UNC5CL: variants seen among roughly 807,000 people sequenced by gnomAD.
UNC5CL encodes unc-5 family C-terminal like.
UNC5CL carries 42 observed loss-of-function variants against 54.1 expected under a neutral mutation model. The ratio of observed to expected loss-of-function variants is 0.78; its 90% CI spans 0.61 to 1.00. The LOEUF is 1.00. Among genes scored for constraint, UNC5CL ranks in the 50% least tolerant of loss-of-function variants. The probability of loss-of-function intolerance (pLI) is 0.00; values close to 1 mark genes in which losing one functional copy is unlikely to be tolerated. For synonymous variants in UNC5CL, 285 were observed against 285.1 expected, an observed-to-expected ratio of 1.00 and a Z score of 0.00; for missense variants, 619 against 675.6, an observed-to-expected ratio of 0.92 and a Z score of 0.93.
At chr6:41,036,476 A>T (rs577496399) in intron 1 of UNC5CL, among the ~76,000 whole-genome samples, 2 of 152,334 alleles carry the variant, frequency 1.3e-5, no homozygotes, top group Admixed American at 6.5e-5. Flanking sequence ...TATTTTTTTA[A>T]ATCCTTTTCT....
Position 41,030,407 on chromosome 6 carries a change from G to T in UNC5CL, c.1315C>A (p.Leu439Ile). 1 of 1,614,020 alleles carries T rather than the reference G, an allele frequency of 6.2e-7. No homozygotes were observed. The highest frequency in any genetic ancestry group is 2.2e-5 in the East Asian group (1 of 44,874). Residue 439 changes from leucine to isoleucine, a missense_variant, in exon 8 of 9, where the codon CTT becomes ATT. By Grantham distance (5) the Leu-to-Ile change is conservative. Transcript: ENST00000244565. ...TCCTACCGGATCTTCATGCCGCAAA[G>T]CCCCAGGTGGGAGGCCAGTCTGCGC... ...DWRRLASHLG[L>I]CGMKIRFLSC...
intron 2 of UNC5CL, 26 bp downstream of exon 2, chr6:41,034,664 C>T (rs189148740): frequency 5.8e-5 from 93 of 1,593,050 alleles, no homozygotes; most frequent in Middle Eastern, 1.7e-4. Context: ...CAACTGTATG[C>T]GGAGATGAGA....
chr6:41,034,649 C>A (rs1169041473), intron 2 of UNC5CL, 41 bp downstream of exon 2: 1 of 1,581,590 alleles, frequency 6.3e-7, no homozygotes, highest in Non-Finnish European at 8.6e-7. Context: ...AATGTACAGT[C>A]TGACCAACTG....
intron 6 of UNC5CL, 43 bp downstream of exon 6, chr6:41,031,638 C>T: frequency 1.3e-6 from 2 of 1,598,728 alleles, no homozygotes; most frequent in Non-Finnish European, 1.7e-6. Context: ...CCTAGGATTT[C>T]CCCCAGGCCC....
intron 1 of UNC5CL, among the ~76,000 whole-genome samples, chr6:41,038,392 G>A (rs1762546326): frequency 6.6e-6 from 1 of 151,982 alleles, no homozygotes; most frequent in South Asian, 2.1e-4. Context: ...GATCCCCAGT[G>A]AGGTGCACCT....
chr6:41,035,186 A>C (rs1762510045), intron 1 of UNC5CL, 51 bp from the exon 2 acceptor site: 2 of 1,398,044 alleles, frequency 1.4e-6, no homozygotes, highest in Admixed American at 5.1e-5. Flanking sequence ...TAAGTTGTGG[A>C]GGTCAAGGCT....
intron 5 of UNC5CL, 111 bp downstream of exon 5, chr6:41,031,925 T>A: frequency 7.9e-7 from 1 of 1,262,800 alleles, no homozygotes; most frequent in South Asian, 1.3e-5. Context: ...GGAAGGTCTG[T>A]GTGCATGGCT....
chr6:41,032,422 A>G (rs936339456), intron 4 of UNC5CL, among the ~76,000 whole-genome samples: 1 of 152,226 alleles, frequency 6.6e-6, no homozygotes, highest in East Asian at 1.9e-4. Context: ...GAGTGGTCAA[A>G]GCCCTGGGGG....
At position 41,033,054 on chromosome 6, in the gene UNC5CL, T is replaced by C. The variant is rs1253430552; in HGVS notation, c.779A>G (p.Gln260Arg). 3.1e-6 allele frequency: 5 copies of C among 1,612,738 alleles called. No individual in the cohort carries two copies. The highest frequency in any genetic ancestry group is 4.2e-6 in the Non-Finnish European group (5 of 1,179,426). ...AVFCSPLVPGQSHLQLRIYFL... is the reference protein window; with the variant it reads ...AVFCSPLVPGRSHLQLRIYFL... ...GTAGATACGCAGTTGCAGATGGGAC[T>C]GTCCTGGCACCAGCGGTGAGCAGAA... Residue 260 changes from glutamine to arginine, a missense_variant, in exon 4 of 9, where the codon CAG becomes CGG. Physicochemically the swap from Gln to Arg is conservative, Grantham distance 43. Transcript: ENST00000244565.
chr6:41,032,942 G>C lies in UNC5CL; in HGVS notation c.891C>G (p.Leu297=). 1 of 1,605,518 alleles carries C rather than the reference G, an allele frequency of 6.2e-7. No homozygotes were observed. The highest frequency in any genetic ancestry group is 2.2e-5 in the East Asian group (1 of 44,638). ...HGGRLRGPCQ[L]FDFNGARGDQ... ...CGCCCCTAGCCCCATTGAAGTCGAA[G>C]AGCTGGCAGGGCCCACGCAGGCGCC... Residue 297 remains leucine (L), a synonymous_variant, in exon 4 of 9, where the codon CTC becomes CTG. Transcript: ENST00000244565.
Position 41,028,316 on chromosome 6 carries a change from C to T in UNC5CL, c.*57G>A. The T allele has an allele frequency of 1.4e-6, 2 of 1,451,714 alleles. No homozygotes were observed. Among genetic ancestry groups the T allele is most frequent in the Non-Finnish European group, 9.2e-7 (1 of 1,085,756 alleles). The allele number at this position is 1,451,714 out of a possible 1,614,324, so 89.9% of individuals were successfully genotyped here. ...GAACAGCTGCTGTGTTCCTCTTAGG[C>T]GTAGGAGAACAACCCCTCTCGCCCC... is the stretch of plus-strand genomic sequence containing the variant. On this transcript the variant is annotated 3_prime_UTR_variant, in exon 9 of 9. Coordinates refer to ENST00000244565, the MANE Select transcript of UNC5CL (RefSeq NM_173561.3). The surrounding 1 kb of genome is among the most constrained non-coding windows in gnomAD (Gnocchi z 4.3).
At position 41,032,339 on chromosome 6, in the gene UNC5CL, C is replaced by G. The variant is rs1470290643; in HGVS notation, c.950-202G>C. Among the ~76,000 whole-genome samples, 5 of 152,298 alleles carry G rather than the reference C, an allele frequency of 3.3e-5. No individual in the cohort carries two copies. The East Asian group carries it at 9.7e-4, about 29-fold the overall frequency. ...CCTTTCCTGCTTCTGTGGGGTATAA[C>G]CCCTCTCCTTCCCACCTGCCACCTG... On this transcript the variant is annotated intron_variant, in intron 4 of 8. Coordinates refer to ENST00000244565, the MANE Select transcript of UNC5CL (RefSeq NM_173561.3).
Position 41,034,825 on chromosome 6 carries a change from G to C in UNC5CL, c.250C>G (p.His84Asp). 1 of 1,614,256 alleles carries C rather than the reference G, an allele frequency of 6.2e-7. No homozygotes were observed. Among genetic ancestry groups the C allele is most frequent in the Non-Finnish European group, 8.5e-7 (1 of 1,180,044 alleles). Residue 84 changes from histidine to aspartate, a missense_variant, in exon 2 of 9, where the codon CAC becomes GAC. Physicochemically the swap from His to Asp is moderately conservative, Grantham distance 81. Coordinates refer to ENST00000244565, the MANE Select transcript of UNC5CL (RefSeq NM_173561.3). ...PEMVAFYQEL[H>D]TPTQGQTMVR... Reference sequence around the variant, plus strand: ...ATGGTCTGGCCTTGAGTGGGTGTGTGTAGCTCCTGGTAGAAGGCAACCATC... The same window carrying C: ...ATGGTCTGGCCTTGAGTGGGTGTGTCTAGCTCCTGGTAGAAGGCAACCATC...
rs933571709 is a variant in UNC5CL at position 41,028,683 on chromosome 6, A to G, written c.1335-88T>C. 6.2e-5 allele frequency: 80 copies of G among 1,292,828 alleles called. No homozygotes were observed. The highest frequency in any genetic ancestry group is 8.6e-5 in the Non-Finnish European group (80 of 931,932). The allele number at this position is 1,292,828 out of a possible 1,614,324, so 80.1% of individuals were successfully genotyped here. A position where few individuals can be genotyped will look rare whatever the true frequency, so the allele number is the denominator to read the frequency against. On this transcript the variant is annotated intron_variant, in intron 8 of 8. Coordinates refer to ENST00000244565, the MANE Select transcript of UNC5CL (RefSeq NM_173561.3). This position sits in a 1 kb window ranked among gnomAD's most constrained non-coding sequence, Gnocchi z 4.3. ...CAGGCTCCCTGGGCTGCGCAGCGCAAGGTCCGTCCCTTCCCCATCCTGTAG... is the reference window on the plus strand; with the variant it reads ...CAGGCTCCCTGGGCTGCGCAGCGCAGGGTCCGTCCCTTCCCCATCCTGTAG...
At chr6:41,030,323 G>A in intron 8 of UNC5CL, 65 bp downstream of exon 8, 4 of 1,484,530 alleles carry the variant, frequency 2.7e-6, no homozygotes, top group Non-Finnish European at 3.8e-6. Context: ...TCTCCAGAGT[G>A]TCCTGAGGAA....
intron 1 of UNC5CL, among the ~76,000 whole-genome samples, chr6:41,037,050 C>T (rs1762532582): frequency 6.6e-6 from 1 of 152,214 alleles, no homozygotes; most frequent in African/African-American, 2.4e-5. Flanking sequence ...TGTTTCTCCA[C>T]TCACTTGCTC....
At chr6:41,035,170 C>T in intron 1 of UNC5CL, 35 bp from the exon 2 acceptor site, 1 of 1,469,208 alleles carries the variant, frequency 6.8e-7, no homozygotes, top group Non-Finnish European at 9.0e-7. Context: ...TCAGGGTAAG[C>T]CCTTTTAAGT....
chr6:41,028,620 G>A lies in UNC5CL; in HGVS notation c.1335-25C>T. On this transcript the variant is annotated intron_variant, in intron 8 of 8. Coordinates refer to ENST00000244565, the MANE Select transcript of UNC5CL (RefSeq NM_173561.3). This position sits in a 1 kb window ranked among gnomAD's most constrained non-coding sequence, Gnocchi z 4.3. ...CCTGGCCCGAGGTAGGGGAGGAAGA[G>A]AAGGGTGTAGGAGCAGGGAGGGGCT... The A allele has an allele frequency of 6.2e-7, 1 of 1,607,464 alleles. No homozygotes were observed. The highest frequency in any genetic ancestry group is 2.2e-5 in the East Asian group (1 of 44,784).
rs147669667 is a variant in UNC5CL at position 41,034,129 on chromosome 6, G to A, written c.438C>T (p.Asp146=). The A allele has an allele frequency of 2.5e-6, 4 of 1,613,682 alleles. No individual in the cohort carries two copies. Among genetic ancestry groups the A allele is most frequent in the South Asian group, 2.2e-5 (2 of 91,052 alleles). ...GGGACAGCGATGGGGCGTCCGACAG[G>A]TCCCACACCAGGATCAAAGACACCC... ...QERVSLILVW[D]LSDAPSLSQA... The change falls in exon 3 of 9, where the codon GAC becomes GAT. Residue 146 remains aspartate (D), a synonymous_variant. Coordinates refer to ENST00000244565, the MANE Select transcript of UNC5CL (RefSeq NM_173561.3).
Sources: gnomAD v4.1 joint callset for allele counts (sites outside exome capture counted in the v4.1 genomes callset) on GRCh38, gnomAD v4.1.1 for gene constraint, Gnocchi (gnomAD v3.1) non-coding constraint, MANE v1.5 for transcripts, NCBI Gene and HGNC (gene_info 2026-07-23, HGNC 2026-07-21) for gene names.